Variants in SCMH1 observed in about 807,000 individuals in gnomAD.
The protein encoded by SCMH1 is Scm polycomb group protein homolog 1.
Under a neutral mutation model 70.8 loss-of-function variants are expected in SCMH1, and 37 were observed. The observed-to-expected ratio is 0.52, with a 90% CI of 0.40 to 0.69. SCMH1 has a LOEUF of 0.69. SCMH1 is among the 30% of genes least tolerant of loss of function. The probability of loss-of-function intolerance (pLI) is 0.00; values close to 1 mark genes in which losing one functional copy is unlikely to be tolerated. For synonymous variants in SCMH1, 292 were observed against 307.4 expected, an observed-to-expected ratio of 0.95 and a Z score of 0.52; for missense variants, 607 against 827.3, an observed-to-expected ratio of 0.73 and a Z score of 3.27.
At chr1:41,164,473 A>G (rs888749352) in intron 2 of SCMH1, among the ~76,000 whole-genome samples, 3 of 152,214 alleles carry the variant, frequency 2.0e-5, no homozygotes, top group African/African-American at 4.8e-5. Flanking sequence ...GAAAACAGAA[A>G]TAAGGGTAAG....
intron 10 of SCMH1, among the ~76,000 whole-genome samples, chr1:41,067,304 T>A (rs1469831493): frequency 6.6e-6 from 1 of 150,838 alleles, no homozygotes; most frequent in Admixed American, 6.6e-5. Flanking sequence ...ATTAGTCGGG[T>A]GTGGTGGCGG....
At chr1:41,182,102 A>C (rs1308004947) in intron 2 of SCMH1, among the ~76,000 whole-genome samples, 1 of 152,202 alleles carries the variant, frequency 6.6e-6, no homozygotes, top group Non-Finnish European at 1.5e-5. Flanking sequence ...CGCAAGGACA[A>C]AAAACCAAAC....
chr1:41,082,080 T>C (rs1660207371), intron 8 of SCMH1, among the ~76,000 whole-genome samples: 1 of 152,142 alleles, frequency 6.6e-6, no homozygotes, highest in South Asian at 2.1e-4. Context: ...ACATCAAATT[T>C]CTAGAAGACA....
intron 2 of SCMH1, among the ~76,000 whole-genome samples, chr1:41,178,845 G>C (rs553492912): frequency 1.9e-4 from 29 of 152,252 alleles, no homozygotes; most frequent in African/African-American, 7.0e-4. Flanking sequence ...AAGTTAACAA[G>C]GATATCCAGG....
At chr1:41,222,507 A>G (rs1422910013) in intron 1 of SCMH1, among the ~76,000 whole-genome samples, 1 of 152,200 alleles carries the variant, frequency 6.6e-6, no homozygotes, top group African/African-American at 2.4e-5. Flanking sequence ...TCTTTATAAC[A>G]TGAGGCTTCC....
intron 4 of SCMH1, chr1:41,159,778 C>T (rs1255294927): frequency 4.0e-6 from 6 of 1,506,546 alleles, no homozygotes; most frequent in Non-Finnish European, 5.3e-6. Flanking sequence ...GAATGCTTCA[C>T]TTCAAAGAAT....
At chr1:41,210,767 C>T (rs533166185) in intron 1 of SCMH1, among the ~76,000 whole-genome samples, 10 of 151,780 alleles carry the variant, frequency 6.6e-5, no homozygotes, top group Admixed American at 3.3e-4. Flanking sequence ...AGAAGAAAAC[C>T]TAGGCAATAC....
intron 6 of SCMH1, among the ~76,000 whole-genome samples, chr1:41,136,057 C>A (rs1158725487): frequency 3.3e-5 from 5 of 151,980 alleles, no homozygotes; most frequent in African/African-American, 1.2e-4. Context: ...GATCCTTCCA[C>A]CTCAGCCTCC....
rs1304544542 is a variant in SCMH1, at chr1:41,047,349, C to CTCAG, written c.1307-755_1307-752dup. 1.8e-4 allele frequency among the ~76,000 whole-genome samples: 27 copies of CTCAG among 151,048 alleles called. No homozygotes were observed. In the East Asian group the frequency reaches 5.3e-3, roughly 29 times the overall value. On this transcript the variant is annotated intron_variant, in intron 11 of 14. Transcript: ENST00000337495. ...GAAGAGACCAGGGAGTAGGCTGGGC[C>CTCAG]TCAGAAGGGACATAAGGCTTAATTT...
intron 6 of SCMH1, among the ~76,000 whole-genome samples, chr1:41,122,922 T>G (rs1174325164): frequency 1.3e-5 from 2 of 152,118 alleles, no homozygotes; most frequent in Non-Finnish European, 2.9e-5. Context: ...AAACTGGATT[T>G]AAGAGTGGAG....
At chr1:41,092,249 C>T (rs1260658253) in intron 8 of SCMH1, among the ~76,000 whole-genome samples, 1 of 152,052 alleles carries the variant, frequency 6.6e-6, no homozygotes, top group Admixed American at 6.6e-5. Context: ...CTTTGACAAA[C>T]CTGAGAAAAA....
chr1:41,063,791 T>A (rs914001849), intron 10 of SCMH1, among the ~76,000 whole-genome samples: 1 of 152,232 alleles, frequency 6.6e-6, no homozygotes, highest in Admixed American at 6.5e-5. Flanking sequence ...ACAATCTGAA[T>A]AGGTTTATAT....
intron 2 of SCMH1, among the ~76,000 whole-genome samples, chr1:41,173,159 T>A (rs544208960): frequency 3.0e-4 from 45 of 151,322 alleles, no homozygotes; most frequent in African/African-American, 1.0e-3. Context: ...GGGAAAAGAG[T>A]ACAGAATGGG....
At chr1:41,050,174 G>A (rs895337331) in intron 10 of SCMH1, among the ~76,000 whole-genome samples, 1 of 152,188 alleles carries the variant, frequency 6.6e-6, no homozygotes, top group African/African-American at 2.4e-5. Flanking sequence ...GACCGAGGCA[G>A]TCCTAACAGA....
At position 41,141,799 on chromosome 1, in the gene SCMH1, CA is replaced by C. The variant is rs542622924; in HGVS notation, c.412+1078del. ...TGTGAGGATTCTAGTTAGATTGATT[CA>C]AAAAACTGATTAAAAAAGAGAGAGA... On this transcript the variant is annotated intron_variant, in intron 6 of 14. Coordinates refer to ENST00000337495, the Ensembl canonical transcript of SCMH1. Among the ~76,000 whole-genome samples the C allele has an allele frequency of 2.8e-4, 42 of 151,700 alleles. No homozygotes were observed. In the East Asian group the frequency reaches 6.0e-3, roughly 22 times the overall value.
intron 2 of SCMH1, among the ~76,000 whole-genome samples, chr1:41,175,606 G>T (rs559919610): frequency 6.6e-6 from 1 of 152,246 alleles, no homozygotes; most frequent in Admixed American, 6.5e-5. Flanking sequence ...AACAGATAAG[G>T]TCATTTCTCT....
At chr1:41,088,714 G>A (rs919010145) in intron 8 of SCMH1, among the ~76,000 whole-genome samples, 4 of 152,102 alleles carry the variant, frequency 2.6e-5, no homozygotes, top group Admixed American at 6.6e-5. Context: ...TTTGAACAGA[G>A]TACTTTAAGT....
At chr1:41,100,495 T>A (rs899844899) in intron 8 of SCMH1, among the ~76,000 whole-genome samples, 2 of 151,792 alleles carry the variant, frequency 1.3e-5, no homozygotes, top group Non-Finnish European at 2.9e-5. Flanking sequence ...CATTACAGAA[T>A]ACAAAAATAT....
intron 1 of SCMH1, among the ~76,000 whole-genome samples, chr1:41,196,187 CG>C (rs1334975343): frequency 6.6e-6 from 1 of 151,956 alleles, no homozygotes; most frequent in Non-Finnish European, 1.5e-5. Context: ...AAAATCCAAA[CG>C]GCATTTTTGC....
Sources: allele counts gnomAD v4.1 joint callset (sites outside exome capture counted in the v4.1 genomes callset), GRCh38; gene constraint gnomAD v4.1.1; transcripts MANE v1.5; gene names NCBI Gene and HGNC (gene_info 2026-07-23, HGNC 2026-07-21).